PPCDC: variants seen among roughly 807,000 people sequenced by gnomAD.
The protein encoded by PPCDC is phosphopantothenoylcysteine decarboxylase.
A neutral mutation model predicts 20.7 loss-of-function variants in PPCDC; 20 were observed. The ratio of observed to expected loss-of-function variants is 0.97; its 90% CI spans 0.68 to 1.41. The LOEUF (loss-of-function observed/expected upper bound fraction) is 1.41. PPCDC is among the 40% of genes most tolerant of loss of function. The pLI is 0.00. For missense variants in PPCDC, 246 were observed against 263.8 expected (o/e 0.93, Z 0.47); for synonymous variants, 88 against 100.3 (o/e 0.88, Z 0.73).
chr15:75,033,961 C>A (rs1419915681), intron 2 of PPCDC, among the ~76,000 whole-genome samples: 1 of 152,154 alleles, frequency 6.6e-6, no homozygotes, highest in Non-Finnish European at 1.5e-5. Context: ...GCATGAGGAG[C>A]TGACACAACC....
At chr15:75,034,060 G>T (rs1299996651) in intron 2 of PPCDC, among the ~76,000 whole-genome samples, 2 of 152,188 alleles carry the variant, frequency 1.3e-5, no homozygotes, top group Admixed American at 6.5e-5. Context: ...AAGGGCTGGG[G>T]TGGTACGGTG....
At chr15:75,032,653 C>T (rs1156848465) in intron 2 of PPCDC, among the ~76,000 whole-genome samples, 2 of 150,902 alleles carry the variant, frequency 1.3e-5, no homozygotes, top group South Asian at 2.1e-4. Flanking sequence ...TGGGGTGGCT[C>T]TCTCTGTGCT....
Position 75,031,273 on chromosome 15 carries a change from C to T in PPCDC, c.135+2820C>T, listed in dbSNP as rs559267424. ...CAGGATGCCGGGGGTTTTGTAGTTC[C>T]GTAGTTGTCATGTAATTGAGTGGCA... On this transcript the variant is annotated intron_variant, in intron 2 of 5. Transcript: ENST00000342932. 7.0e-4 allele frequency among the ~76,000 whole-genome samples: 106 copies of T among 152,156 alleles called. 1 individual carries two copies. Among genetic ancestry groups the T allele is most frequent in the Admixed American group, 2.0e-3 (31 of 15,268 alleles).
chr15:75,031,472 G>T (rs2141478621), intron 2 of PPCDC, among the ~76,000 whole-genome samples: 1 of 152,262 alleles, frequency 6.6e-6, no homozygotes, highest in South Asian at 2.1e-4. Context: ...CACTTTGGGA[G>T]GCTGAGGCGG....
intron 1 of PPCDC, among the ~76,000 whole-genome samples, chr15:75,024,071 A>G (rs1159277027): frequency 6.6e-6 from 1 of 152,246 alleles, no homozygotes; most frequent in Non-Finnish European, 1.5e-5. Flanking sequence ...AAGTAGCCCT[A>G]GGCCTGCCAA....
chr15:75,034,668 C>T (rs903251752), intron 2 of PPCDC, among the ~76,000 whole-genome samples: 2 of 152,238 alleles, frequency 1.3e-5, no homozygotes, highest in Non-Finnish European at 2.9e-5. Context: ...CTGGAGCATG[C>T]CATCGTCAAC....
intron 3 of PPCDC, 196 bp downstream of exon 3, chr15:75,043,732 G>A (rs960372647): frequency 1.2e-5 from 7 of 582,316 alleles, no homozygotes; most frequent in African/African-American, 7.5e-5. Flanking sequence ...GTCTCCTCCC[G>A]GCCCAGGCAG....
intron 3 of PPCDC, 151 bp from the exon 4 acceptor site, chr15:75,044,235 C>T (rs955548157): frequency 4.8e-5 from 53 of 1,092,784 alleles, no homozygotes; most frequent in Middle Eastern, 4.1e-4. Flanking sequence ...CCATGGCTAG[C>T]GCTCGCCAGC....
chr15:75,030,888 A>G (rs529316621), intron 2 of PPCDC, among the ~76,000 whole-genome samples: 112 of 152,238 alleles, frequency 7.4e-4, no homozygotes, highest in Non-Finnish European at 1.3e-3. Context: ...GCTAATGTCA[A>G]GGTAGCCAAA....
intron 2 of PPCDC, among the ~76,000 whole-genome samples, chr15:75,034,885 G>C (rs1343015631): frequency 6.6e-6 from 1 of 152,048 alleles, no homozygotes; most frequent in Non-Finnish European, 1.5e-5. Context: ...GTTCCAGTTG[G>C]GCTCTTCTCC....
intron 2 of PPCDC, among the ~76,000 whole-genome samples, chr15:75,033,594 CTTTT>C (rs937077511): frequency 7.1e-6 from 1 of 140,296 alleles, no homozygotes; most frequent in South Asian, 2.2e-4. Flanking sequence ...TAAGTTTGTG[CTTTT>C]TTTTTTTAAA....
intron 2 of PPCDC, among the ~76,000 whole-genome samples, chr15:75,038,858 G>A (rs1427964256): frequency 2.7e-5 from 4 of 150,342 alleles, no homozygotes; most frequent in Non-Finnish European, 5.9e-5. Context: ...ACTATTATCC[G>A]TTTCTTTATC....
At chr15:75,028,477 A>C (rs761047805) in intron 2 of PPCDC, 24 bp downstream of exon 2, 37 of 1,613,832 alleles carry the variant, frequency 2.3e-5, no homozygotes, top group South Asian at 1.2e-4. Flanking sequence ...CCAGATAAGC[A>C]TGGCAGCCTC....
chr15:75,042,817 C>T (rs905968506), intron 2 of PPCDC, among the ~76,000 whole-genome samples: 2 of 152,164 alleles, frequency 1.3e-5, no homozygotes, highest in Non-Finnish European at 2.9e-5. Context: ...TAGTGTACAC[C>T]AGGTAAACCT....
In PPCDC at chr15:75,049,353, C is replaced by G. The variant is rs1460270564; in HGVS notation, c.*118C>G. 3.6e-5 allele frequency: 35 copies of G among 959,922 alleles called. 1 individual carries two copies. The highest frequency in any genetic ancestry group is 4.8e-5 in the Non-Finnish European group (30 of 627,394). 59.5% of individuals were successfully genotyped at this position (959,922 alleles called of 1,614,324 possible). A position where few individuals can be genotyped will look rare whatever the true frequency, so the allele number is the denominator to read the frequency against. The stretch of plus-strand genomic sequence containing the variant: ...TCATTTGCTGAATGGGGGACCTGCT[C>G]TGAGCCTGCCCAGGGGCCAGGCCTG... On this transcript the variant is annotated 3_prime_UTR_variant, in exon 6 of 6. Transcript: ENST00000342932.
At chr15:75,029,787 A>C (rs977868995) in intron 2 of PPCDC, among the ~76,000 whole-genome samples, 2 of 152,046 alleles carry the variant, frequency 1.3e-5, no homozygotes, top group African/African-American at 4.8e-5. Flanking sequence ...CTCTGCCACC[A>C]CCCCCTGGGG....
chr15:75,033,171 T>G (rs1654814701), intron 2 of PPCDC, among the ~76,000 whole-genome samples: 1 of 152,240 alleles, frequency 6.6e-6, no homozygotes, highest in Non-Finnish European at 1.5e-5. Flanking sequence ...AAAAAAGTGA[T>G]ATGAAATTCA....
Position 75,048,666 on chromosome 15 carries a change from C to G in PPCDC, c.474C>G (p.Ala158=). ...CGCAGCAGGTAGACCAGCTCAAGGCCTTTGGCTATGTCGAGATCCCCTGTG... is the reference window on the plus strand; with the variant it reads ...CGCAGCAGGTAGACCAGCTCAAGGCGTTTGGCTATGTCGAGATCCCCTGTG... ...ITAQQVDQLK[A]FGYVEIPCVA... The change falls in exon 5 of 6, where the codon GCC becomes GCG. Residue 158 remains alanine, a synonymous_variant. Transcript: ENST00000342932. 6.2e-7 allele frequency: 1 copy of G among 1,614,216 alleles called. No homozygotes were observed. The highest frequency in any genetic ancestry group is 8.5e-7 in the Non-Finnish European group (1 of 1,180,040).
intron 2 of PPCDC, chr15:75,043,185 G>C (rs2066175021): frequency 5.0e-6 from 2 of 401,292 alleles, no homozygotes; most frequent in African/African-American, 4.2e-5. Context: ...TGTATATACG[G>C]GCAGTTGGTG....
Sources: gnomAD v4.1 joint callset for allele counts (sites outside exome capture counted in the v4.1 genomes callset) on GRCh38, gnomAD v4.1.1 for gene constraint, MANE v1.5 for transcripts, NCBI Gene and HGNC (gene_info 2026-07-23, HGNC 2026-07-21) for gene names.